The following CSMD3 variants were observed in gnomAD, a reference collection of about 807,000 sequenced individuals.
The protein encoded by CSMD3 is CUB and Sushi multiple domains 3, also known as CUB and sushi domain-containing protein 3.
In CSMD3, 177 loss-of-function variants were observed where a neutral mutation model predicts 435.2. That is an observed-to-expected ratio of 0.41 (90% CI 0.36 to 0.46). CSMD3 has a LOEUF of 0.46. Ranked by LOEUF, CSMD3 falls within the 20% of genes least tolerant of loss-of-function variation. CSMD3 has a pLI of 0.34. For synonymous variants in CSMD3, 1,656 were observed against 1,520.5 expected, an observed-to-expected ratio of 1.09 and a Z score of -2.07; for missense variants, 4,265 against 4,504.6, an observed-to-expected ratio of 0.95 and a Z score of 1.52.
intron 5 of CSMD3, among the ~76,000 whole-genome samples, chr8:113,031,812 A>C (rs1389008077): frequency 6.6e-6 from 1 of 151,544 alleles, no homozygotes; most frequent in African/African-American, 2.4e-5. Context: ...GTCCCCACCC[A>C]AATCTCATCT....
At chr8:113,377,007 C>T (rs2094388674) in intron 1 of CSMD3, 2 of 671,392 alleles carry the variant, frequency 3.0e-6, no homozygotes, top group Admixed American at 3.5e-5. Flanking sequence ...GCAGCCACAT[C>T]TTCTAGGGAG....
At chr8:113,388,291 A>T (rs571401421) in intron 1 of CSMD3, among the ~76,000 whole-genome samples, 2 of 151,734 alleles carry the variant, frequency 1.3e-5, no homozygotes, top group African/African-American at 4.8e-5. Flanking sequence ...GTGGCAATGG[A>T]ATATAATGGA....
intron 6 of CSMD3, among the ~76,000 whole-genome samples, chr8:112,991,521 T>C (rs1439541290): frequency 6.6e-6 from 1 of 151,878 alleles, no homozygotes; most frequent in Admixed American, 6.6e-5. Flanking sequence ...TCACCGAATC[T>C]GTGCAGTTCT....
At chr8:112,268,729 T>C (rs1231008240) in intron 59 of CSMD3, among the ~76,000 whole-genome samples, 1 of 152,208 alleles carries the variant, frequency 6.6e-6, no homozygotes, top group Non-Finnish European at 1.5e-5. Context: ...ATTACATATG[T>C]ATGTGCTCTG....
chr8:112,645,189 G>A lies in CSMD3; in HGVS notation c.3230C>T (p.Thr1077Ile), dbSNP rs763321608. 13 of 1,603,794 alleles carry A rather than the reference G, an allele frequency of 8.1e-6. No homozygotes were observed. The highest frequency in any genetic ancestry group is 1.1e-5 in the Non-Finnish European group (13 of 1,170,744). Residue 1077 changes from threonine to isoleucine, a missense_variant, in exon 20 of 71, where the codon ACA becomes ATA. Transcript: ENST00000297405. ...CGGDVRGPSG[T>I]ILSPGYPEFY... ...TTCCGGGTAACCAGGTGATAAGATT[G>A]TTCCACTAGGCCCTCTAACATCTCC...
chr8:113,120,526 A>G lies in CSMD3; in HGVS notation c.710-21563T>C, dbSNP rs1295151902. Reference sequence around the variant, plus strand: ...CTTTAATAAATGATTTATGCTACAAATAAAAGTAAGCAGCGTTTTATGTAT... The same window carrying G: ...CTTTAATAAATGATTTATGCTACAAGTAAAAGTAAGCAGCGTTTTATGTAT... On this transcript the variant is annotated intron_variant, in intron 4 of 70. Transcript: ENST00000297405. Among the ~76,000 whole-genome samples, 7 of 152,334 alleles carry G rather than the reference A, an allele frequency of 4.6e-5. No homozygotes were observed. The East Asian group carries it at 1.2e-3, about 25-fold the overall frequency.
intron 13 of CSMD3, among the ~76,000 whole-genome samples, chr8:112,754,078 TAGA>T (rs2077636111): frequency 6.6e-6 from 1 of 152,184 alleles, no homozygotes; most frequent in Admixed American, 6.5e-5. Context: ...AGAAAGCTGT[TAGA>T]AAGTGGCCAG....
chr8:113,307,328 A>C (rs765071894), intron 2 of CSMD3, among the ~76,000 whole-genome samples: 1 of 152,148 alleles, frequency 6.6e-6, no homozygotes. Context: ...TGTACACCTT[A>C]ATTCTTCTTC....
At chr8:112,863,980 C>T (rs1215557898) in intron 10 of CSMD3, among the ~76,000 whole-genome samples, 2 of 151,852 alleles carry the variant, frequency 1.3e-5, no homozygotes, top group African/African-American at 2.4e-5. Context: ...AATGTGGATC[C>T]CCACACTAGT....
At chr8:112,292,469 G>A (rs1819860594) in intron 55 of CSMD3, 68 bp downstream of exon 55, 1 of 1,504,226 alleles carries the variant, frequency 6.6e-7, no homozygotes, top group African/African-American at 1.4e-5. Flanking sequence ...GCTGTTTTAA[G>A]TGTGTCACTG....
chr8:113,072,760 TCTTA>T (rs1477047128), intron 5 of CSMD3, among the ~76,000 whole-genome samples: 1 of 151,834 alleles, frequency 6.6e-6, no homozygotes, highest in Non-Finnish European at 1.5e-5. Context: ...CTTTATCCTG[TCTTA>T]CTTCTAGCTG....
chr8:112,451,745 T>C (rs1427052368), intron 32 of CSMD3, among the ~76,000 whole-genome samples: 1 of 152,060 alleles, frequency 6.6e-6, no homozygotes, highest in African/African-American at 2.4e-5. Flanking sequence ...TCCACATTGG[T>C]CAGGCTGGTC....
chr8:113,061,972 T>C (rs2088634756), intron 5 of CSMD3, among the ~76,000 whole-genome samples: 1 of 151,786 alleles, frequency 6.6e-6, no homozygotes, highest in African/African-American at 2.4e-5. Context: ...CATTCCAAGT[T>C]GAAAAAACTT....
chr8:113,308,722 CTTTTA>C (rs1206776627), intron 2 of CSMD3, among the ~76,000 whole-genome samples: 1 of 152,004 alleles, frequency 6.6e-6, no homozygotes, highest in East Asian at 1.9e-4. Flanking sequence ...CTTCCTTTGT[CTTTTA>C]TTTTAATGGC....
intron 12 of CSMD3, among the ~76,000 whole-genome samples, chr8:112,825,892 A>C (rs1343234459): frequency 6.6e-6 from 1 of 152,114 alleles, no homozygotes; most frequent in Non-Finnish European, 1.5e-5. Context: ...CTGAAAGGAA[A>C]ATCACTCGTC....
intron 1 of CSMD3, among the ~76,000 whole-genome samples, chr8:113,379,059 A>G (rs4607648): frequency 0.64 from 97,567 of 151,964 alleles, 32,748 homozygotes; most frequent in Admixed American, 0.75. Context: ...TGAGATACTA[A>G]TAACACTTCA....
intron 13 of CSMD3, among the ~76,000 whole-genome samples, chr8:112,702,708 G>A (rs1030231769): frequency 6.6e-6 from 1 of 152,050 alleles, no homozygotes; most frequent in Non-Finnish European, 1.5e-5. Context: ...TTTGGTAGGA[G>A]AGTAGGGTGA....
At chr8:113,142,787 G>T (rs1287168759) in intron 4 of CSMD3, among the ~76,000 whole-genome samples, 1 of 150,522 alleles carries the variant, frequency 6.6e-6, no homozygotes, top group East Asian at 2.0e-4. Context: ...ACATGCTTGA[G>T]GTGATGGCTA....
rs559645856 is a variant in CSMD3 at position 112,335,233 on chromosome 8, C to T, written c.7165+96G>A. On this transcript the variant is annotated intron_variant, in intron 45 of 70. Coordinates refer to ENST00000297405, the MANE Select transcript of CSMD3 (RefSeq NM_198123.2). ...TTATAAAATTTCTAAATTTTAATAC[C>T]TTTTCAATCATTGGTTAAATATATA... 378 of 1,237,192 alleles carry T rather than the reference C, an allele frequency of 3.1e-4. 1 individual carries two copies. The African/African-American group carries it at 5.3e-3, about 17-fold the overall frequency. 76.6% of individuals were successfully genotyped at this position (1,237,192 alleles called of 1,614,324 possible).
Sources: gnomAD v4.1 joint callset for allele counts (sites outside exome capture counted in the v4.1 genomes callset) on GRCh38, gnomAD v4.1.1 for gene constraint, MANE v1.5 for transcripts, NCBI Gene and HGNC (gene_info 2026-07-23, HGNC 2026-07-21) for gene names.